PDE4D: variants seen among roughly 807,000 people sequenced by gnomAD.
The protein encoded by PDE4D is 3',5'-cyclic-AMP phosphodiesterase 4D.
A neutral mutation model predicts 87.4 loss-of-function variants in PDE4D; 24 were observed. The ratio of observed to expected loss-of-function variants is 0.27; its 90% CI spans 0.20 to 0.39. The LOEUF (loss-of-function observed/expected upper bound fraction) is 0.39, where lower values mean the gene tolerates loss of function less well. Ranked by LOEUF, PDE4D falls within the 10% of genes least tolerant of loss-of-function variation. The pLI is 1.00. For synonymous variants in PDE4D, 384 were observed against 383.2 expected (o/e 1.00, Z -0.02); for missense variants, 714 against 1,041.0 (o/e 0.69, Z 4.32).
intron 1 of PDE4D, among the ~76,000 whole-genome samples, chr5:59,526,565 C>T (rs1479923429): frequency 6.6e-6 from 1 of 152,116 alleles, no homozygotes. Flanking sequence ...TTACCTAAAA[C>T]CACTGAAAAT....
In PDE4D at chr5:59,573,997, C is replaced by CAAAAA. The variant is rs11437091; in HGVS notation, c.455+319166_455+319170dup. On this transcript the variant is annotated intron_variant, in intron 1 of 14. Coordinates refer to ENST00000340635, the MANE Select transcript of PDE4D (RefSeq NM_001104631.2). ...TGGACAACAAAGGGAGACTCTGTCT[C>CAAAAA]AAAAAAAAATATATATATATATATA... 1.2e-3 allele frequency among the ~76,000 whole-genome samples: 107 copies of CAAAAA among 86,972 alleles called. 2 individuals carry two copies. Among genetic ancestry groups the CAAAAA allele is most frequent in the African/African-American group, 4.4e-3 (76 of 17,380 alleles). The allele number at this position is 86,972 out of a possible 152,430, so 57.1% of individuals were successfully genotyped here.
intron 1 of PDE4D, among the ~76,000 whole-genome samples, chr5:60,437,773 C>T (rs1240184236): frequency 6.6e-6 from 1 of 152,078 alleles, no homozygotes; most frequent in African/African-American, 2.4e-5. Context: ...GTCTTTCTTT[C>T]TAGCTTCAGA....
In PDE4D at chr5:58,973,491, A is replaced by AAGAC. The variant is rs1476158001; in HGVS notation, c.*1169_*1172dup. 6.0e-5 allele frequency: 9 copies of AAGAC among 149,596 alleles called. No homozygotes were observed. Among genetic ancestry groups the AAGAC allele is most frequent in the Admixed American group, 6.0e-4 (9 of 15,110 alleles). 9.3% of individuals were successfully genotyped at this position (149,596 alleles called of 1,614,324 possible). A position where few individuals can be genotyped will look rare whatever the true frequency, so the allele number is the denominator to read the frequency against. ...AGCATGAAATGTGTGGATTATTAGAAAGACATGCACTTGTGAAATGAACAT... is the reference window on the plus strand; with the variant it reads ...AGCATGAAATGTGTGGATTATTAGAAAGACAGACATGCACTTGTGAAATGAACAT... On this transcript the variant is annotated 3_prime_UTR_variant, in exon 15 of 15. Transcript: ENST00000340635.
chr5:59,781,654 C>T (rs1416342193), intron 1 of PDE4D, among the ~76,000 whole-genome samples: 9 of 151,554 alleles, frequency 5.9e-5, no homozygotes, highest in Non-Finnish European at 7.4e-5. Context: ...GGCATGGTGG[C>T]GGGCAACTGT....
At chr5:60,511,756 A>G (rs1481242145) in intron 1 of PDE4D, among the ~76,000 whole-genome samples, 3 of 151,976 alleles carry the variant, frequency 2.0e-5, no homozygotes, top group Non-Finnish European at 4.4e-5. Context: ...ATCCATATTC[A>G]TAATTGTCAC....
intron 1 of PDE4D, among the ~76,000 whole-genome samples, chr5:59,283,477 T>C (rs1766242632): frequency 6.6e-6 from 1 of 152,194 alleles, no homozygotes; most frequent in Non-Finnish European, 1.5e-5. Flanking sequence ...TTCATATTCC[T>C]TACAGGATCA....
chr5:60,167,193 T>A (rs556150886), intron 2 of PDE4D, among the ~76,000 whole-genome samples: 2 of 152,226 alleles, frequency 1.3e-5, no homozygotes, highest in African/African-American at 4.8e-5. Flanking sequence ...ATTTGTTTTT[T>A]GATGCTGTCA....
At chr5:60,408,087 A>G (rs1344446447) in intron 1 of PDE4D, among the ~76,000 whole-genome samples, 1 of 152,116 alleles carries the variant, frequency 6.6e-6, no homozygotes, top group African/African-American at 2.4e-5. Context: ...AGCCATCCTG[A>G]TCACCAGACA....
chr5:60,395,436 A>G (rs1762827081), intron 1 of PDE4D, among the ~76,000 whole-genome samples: 1 of 152,188 alleles, frequency 6.6e-6, no homozygotes, highest in African/African-American at 2.4e-5. Context: ...ACATTTTCAA[A>G]TTAAGGATTT....
chr5:59,862,739 T>C (rs912407244), intron 1 of PDE4D, among the ~76,000 whole-genome samples: 4 of 152,232 alleles, frequency 2.6e-5, no homozygotes, highest in Admixed American at 2.0e-4. Context: ...AGATTTTTTT[T>C]CCTGCGGAAA....
chr5:60,139,733 TAAG>T (rs935527215), intron 2 of PDE4D, among the ~76,000 whole-genome samples: 7 of 152,158 alleles, frequency 4.6e-5, no homozygotes, highest in Non-Finnish European at 1.0e-4. Flanking sequence ...CTGAGTAGTC[TAAG>T]AAGAAAAATT....
At chr5:59,604,992 CAACAA>C (rs1414241434) in intron 1 of PDE4D, among the ~76,000 whole-genome samples, 1 of 151,774 alleles carries the variant, frequency 6.6e-6, no homozygotes. Context: ...TTTATAAGAC[CAACAA>C]AACAACAACA....
chr5:59,046,418 GAA>G (rs1491173748), intron 5 of PDE4D, among the ~76,000 whole-genome samples: 6 of 144,448 alleles, frequency 4.2e-5, no homozygotes, highest in East Asian at 2.7e-4. Flanking sequence ...GAGAGAGAGA[GAA>G]TGTGTGTGTG....
At chr5:59,448,894 C>T (rs772225936) in intron 1 of PDE4D, among the ~76,000 whole-genome samples, 9 of 152,102 alleles carry the variant, frequency 5.9e-5, no homozygotes, top group Non-Finnish European at 1.0e-4. Flanking sequence ...CTTGGCCTCC[C>T]AAAGCACTGG....
At chr5:59,588,010 C>G in intron 1 of PDE4D, among the ~76,000 whole-genome samples, 1 of 151,902 alleles carries the variant, frequency 6.6e-6, no homozygotes, top group East Asian at 1.9e-4. Flanking sequence ...AAAAAAGCAC[C>G]GGGGTGGGGA....
At chr5:59,249,446 G>A (rs1759494728) in intron 1 of PDE4D, among the ~76,000 whole-genome samples, 1 of 152,008 alleles carries the variant, frequency 6.6e-6, no homozygotes, top group African/African-American at 2.4e-5. Context: ...CTTTGACATA[G>A]TTATTTTACT....
rs1750849297 is a variant in PDE4D, at chr5:60,517,402, T to G, written n.70+4649A>C. Reference sequence around the variant, plus strand: ...GTTAGGCCTGGGATGGCCTGAAGCCTGGGGGCCAGGCTGCTAGTTCCACAG... The same window carrying G: ...GTTAGGCCTGGGATGGCCTGAAGCCGGGGGGCCAGGCTGCTAGTTCCACAG... On this transcript the variant is annotated intron_variant and non_coding_transcript_variant, in intron 1 of 2. Coordinates refer to the PDE4D transcript ENST00000506510. 2.0e-5 allele frequency among the ~76,000 whole-genome samples: 3 copies of G among 152,198 alleles called. No individual in the cohort carries two copies. The South Asian group carries it at 6.2e-4, about 31-fold the overall frequency.
chr5:59,320,513 C>G (rs1453450257), intron 1 of PDE4D, among the ~76,000 whole-genome samples: 1 of 152,094 alleles, frequency 6.6e-6, no homozygotes, highest in Non-Finnish European at 1.5e-5. Flanking sequence ...TGAGTTTTAA[C>G]TTCAAAGCGT....
At chr5:60,046,319 C>A (rs1769243315) in intron 2 of PDE4D, among the ~76,000 whole-genome samples, 1 of 152,142 alleles carries the variant, frequency 6.6e-6, no homozygotes, top group Non-Finnish European at 1.5e-5. Flanking sequence ...CAAACAGGGA[C>A]AATTTGACTT....
Sources: allele counts gnomAD v4.1 joint callset (sites outside exome capture counted in the v4.1 genomes callset), GRCh38; gene constraint gnomAD v4.1.1; transcripts MANE v1.5; gene names NCBI Gene and HGNC (gene_info 2026-07-23, HGNC 2026-07-21).